Variants in PKHD1 observed in about 807,000 individuals in gnomAD.
PKHD1 encodes PKHD1 ciliary IPT domain containing fibrocystin/polyductin.
PKHD1 carries 291 observed loss-of-function variants against 412.0 expected under a neutral mutation model. That is an observed-to-expected ratio of 0.71 (90% CI 0.64 to 0.78). The LOEUF is 0.78. PKHD1 is among the 30% of genes least tolerant of loss of function. PKHD1 has a pLI of 0.00. For synonymous variants in PKHD1, 1,777 were observed against 1,821.5 expected (o/e 0.98, Z 0.62); for missense variants, 4,825 against 4,950.7 (o/e 0.97, Z 0.76).
At chr6:52,077,894 C>T (rs1811546121) in intron 5 of PKHD1, among the ~76,000 whole-genome samples, 2 of 149,690 alleles carry the variant, frequency 1.3e-5, no homozygotes, top group African/African-American at 4.9e-5. Flanking sequence ...CCAACCACTG[C>T]CCCTAGGCCT....
At chr6:51,832,842 A>C (rs182299637) in intron 51 of PKHD1, among the ~76,000 whole-genome samples, 1 of 152,288 alleles carries the variant, frequency 6.6e-6, no homozygotes. Flanking sequence ...GACCCAGGAT[A>C]ACCTAAAAGT....
chr6:51,649,248 C>T (rs1562020668), intron 61 of PKHD1, 28 bp from the exon 62 acceptor site: 1 of 1,565,114 alleles, frequency 6.4e-7, no homozygotes, highest in East Asian at 2.2e-5. Flanking sequence ...AAACAAAATA[C>T]ATCCTTAGGA....
At position 51,741,128 on chromosome 6, in the gene PKHD1, T is replaced by C. The variant is rs546532368; in HGVS notation, c.10156+3257A>G. The C allele has an allele frequency of 2.4e-4, 127 of 518,936 alleles. 1 individual carries two copies. Among genetic ancestry groups the C allele is most frequent in the Non-Finnish European group, 1.1e-4 (28 of 259,824 alleles). 32.1% of individuals were successfully genotyped at this position (518,936 alleles called of 1,614,324 possible). On this transcript the variant is annotated intron_variant, in intron 60 of 66. Transcript: ENST00000371117. Reference sequence around the variant, plus strand: ...CTGAGAAAAAGCAAATATTCTACCATTGCAACCAGCAGCAAGAACATATTT... The same window carrying C: ...CTGAGAAAAAGCAAATATTCTACCACTGCAACCAGCAGCAAGAACATATTT...
chr6:51,917,514 C>T (rs1784014507), intron 37 of PKHD1, among the ~76,000 whole-genome samples: 2 of 152,088 alleles, frequency 1.3e-5, no homozygotes, highest in African/African-American at 4.8e-5. Flanking sequence ...CAGTGACACT[C>T]AGGGGTGTAC....
intron 35 of PKHD1, among the ~76,000 whole-genome samples, chr6:51,971,288 G>C (rs1229458707): frequency 2.0e-5 from 3 of 152,138 alleles, no homozygotes; most frequent in Admixed American, 6.5e-5. Flanking sequence ...GCCACTATAA[G>C]GACCTTCTTG....
chr6:51,670,580 T>C (rs960431826), intron 60 of PKHD1, among the ~76,000 whole-genome samples: 3 of 151,856 alleles, frequency 2.0e-5, no homozygotes, highest in Non-Finnish European at 2.9e-5. Context: ...GTGAATTTGA[T>C]CCTGTCATTA....
intron 43 of PKHD1, among the ~76,000 whole-genome samples, chr6:51,896,033 G>A (rs190356760): frequency 0.015 from 2,278 of 152,206 alleles, 55 homozygotes; most frequent in African/African-American, 0.052. Flanking sequence ...ACGGAGTCTC[G>A]CTGATTGCTA....
chr6:51,867,833 A>G, intron 48 of PKHD1, 30 bp downstream of exon 48: 1 of 1,606,666 alleles, frequency 6.2e-7, no homozygotes, highest in South Asian at 1.1e-5. Flanking sequence ...GCCCATCGGC[A>G]AGCTAAAAAG....
chr6:51,686,880 T>C (rs1018747627), intron 60 of PKHD1, among the ~76,000 whole-genome samples: 1 of 152,324 alleles, frequency 6.6e-6, no homozygotes, highest in African/African-American at 2.4e-5. Flanking sequence ...ACTTGCATGT[T>C]TGAAATCTAC....
At chr6:51,737,613 A>T (rs1784014722) in intron 60 of PKHD1, among the ~76,000 whole-genome samples, 1 of 152,196 alleles carries the variant, frequency 6.6e-6, no homozygotes, top group African/African-American at 2.4e-5. Context: ...TCACTAAATT[A>T]AAAATATTGT....
intron 50 of PKHD1, among the ~76,000 whole-genome samples, chr6:51,841,592 G>GGGAATGAGT (rs747620840): frequency 3.9e-5 from 6 of 152,120 alleles, no homozygotes; most frequent in Non-Finnish European, 7.3e-5. Context: ...GGGGATCTTT[G>GGGAATGAGT]GGAATGAGTT....
intron 63 of PKHD1, among the ~76,000 whole-genome samples, chr6:51,643,606 A>T (rs1769672157): frequency 6.6e-6 from 1 of 152,178 alleles, no homozygotes; most frequent in South Asian, 2.1e-4. Flanking sequence ...AAGACCTCAA[A>T]GTTTGGTAGA....
At chr6:51,985,166 C>A (rs1796053368) in intron 35 of PKHD1, among the ~76,000 whole-genome samples, 1 of 152,098 alleles carries the variant, frequency 6.6e-6, no homozygotes, top group Non-Finnish European at 1.5e-5. Flanking sequence ...AAAAAAACTA[C>A]ATACAATTGA....
chr6:51,748,680 A>G lies in PKHD1; in HGVS notation c.8951-15T>C, dbSNP rs1785580698. On this transcript the variant is annotated splice_polypyrimidine_tract_variant and intron_variant, in intron 57 of 66. Coordinates refer to ENST00000371117, the MANE Select transcript of PKHD1 (RefSeq NM_138694.4). ...TTGAAGGACACCTATAAACAAATGC[A>G]TGTCATCAGGTACTTTCCTCTTCCC... 1 of 1,612,332 alleles carries G rather than the reference A, an allele frequency of 6.2e-7. No individual in the cohort carries two copies. Among genetic ancestry groups the G allele is most frequent in the Non-Finnish European group, 8.5e-7 (1 of 1,178,642 alleles).
intron 53 of PKHD1, among the ~76,000 whole-genome samples, chr6:51,788,718 T>A (rs1329134351): frequency 6.8e-6 from 1 of 147,580 alleles, no homozygotes; most frequent in Non-Finnish European, 1.5e-5. Flanking sequence ...GTATACCTCA[T>A]CCCATTTGGA....
chr6:51,616,450 G>C lies in PKHD1; in HGVS notation c.*2631C>G, dbSNP rs1766072661. The C allele has an allele frequency of 2.6e-6, 1 of 383,762 alleles. No homozygotes were observed. Among genetic ancestry groups the C allele is most frequent in the Admixed American group, 4.5e-5 (1 of 22,312 alleles). 23.8% of individuals were successfully genotyped at this position (383,762 alleles called of 1,614,324 possible). On this transcript the variant is annotated 3_prime_UTR_variant, in exon 67 of 67. Transcript: ENST00000371117. ...AAATTTAGAGTTGGCCTACAGTGGT[G>C]CTCAAATTGGCTCATCTCCAGACAT...
At chr6:51,717,604 T>C (rs1347923575) in intron 60 of PKHD1, among the ~76,000 whole-genome samples, 1 of 152,180 alleles carries the variant, frequency 6.6e-6, no homozygotes, top group Non-Finnish European at 1.5e-5. Context: ...AGCTATGCCA[T>C]ATAGCCCAGG....
At chr6:51,768,184 T>A (rs1294927039) in intron 55 of PKHD1, among the ~76,000 whole-genome samples, 1 of 152,104 alleles carries the variant, frequency 6.6e-6, no homozygotes, top group East Asian at 1.9e-4. Flanking sequence ...TCTTGAAAAT[T>A]TGTTTGAGTT....
At chr6:51,678,009 C>T (rs1292039566) in intron 60 of PKHD1, among the ~76,000 whole-genome samples, 4 of 152,008 alleles carry the variant, frequency 2.6e-5, no homozygotes, top group South Asian at 2.1e-4. Context: ...TTTGTATTTT[C>T]GTTATTTTGT....
Sources: gnomAD v4.1 joint callset for allele counts (sites outside exome capture counted in the v4.1 genomes callset) on GRCh38, gnomAD v4.1.1 for gene constraint, MANE v1.5 for transcripts, NCBI Gene and HGNC (gene_info 2026-07-23, HGNC 2026-07-21) for gene names.